The following NOB1 variants were observed in gnomAD, a reference collection of about 807,000 sequenced individuals.
NOB1 encodes the protein NIN1 (RPN12) binding protein 1 homolog.
Under a neutral mutation model 44.8 loss-of-function variants are expected in NOB1, and 44 were observed. The observed-to-expected ratio is 0.98, with a 90% confidence interval of 0.77 to 1.26. The LOEUF (loss-of-function observed/expected upper bound fraction) is 1.26. Among genes scored for constraint, NOB1 ranks in the 50% most tolerant of loss-of-function variants. NOB1 has a pLI of 0.00. For synonymous variants in NOB1, 238 were observed against 218.7 expected (o/e 1.09, Z -0.78); for missense variants, 560 against 544.8 (o/e 1.03, Z -0.28).
chr16:69,745,067 C>T (rs1246670655), intron 7 of NOB1, 50 bp from the exon 8 acceptor site: 9 of 1,603,884 alleles, frequency 5.6e-6, no homozygotes, highest in Non-Finnish European at 7.7e-6. Flanking sequence ...AGGCAGCAAA[C>T]GCCTCCCCAG....
At position 69,754,591 on chromosome 16, in the gene NOB1, C is replaced by G. The variant is rs759290854; in HGVS notation, c.196+3G>C. On this transcript the variant is annotated splice_donor_region_variant and intron_variant, in intron 2 of 8. Coordinates refer to ENST00000268802, the MANE Select transcript of NOB1 (RefSeq NM_014062.3). ...CCGTCAACGCTAGGGCAGAGGCACTCACCCAGCCGCACGTATTCCGGTAAG... is the reference window on the plus strand; with the variant it reads ...CCGTCAACGCTAGGGCAGAGGCACTGACCCAGCCGCACGTATTCCGGTAAG... 6.2e-6 allele frequency: 10 copies of G among 1,613,892 alleles called. No individual in the cohort carries two copies. Among genetic ancestry groups the G allele is most frequent in the Non-Finnish European group, 8.5e-6 (10 of 1,179,996 alleles).
chr16:69,754,003 C>T (rs1242152737), intron 2 of NOB1, among the ~76,000 whole-genome samples: 4 of 152,194 alleles, frequency 2.6e-5, no homozygotes, highest in African/African-American at 7.2e-5. Flanking sequence ...CAGGGTTTCA[C>T]CATGTTGGTC....
chr16:69,753,314 G>C (rs2038498269), intron 2 of NOB1, among the ~76,000 whole-genome samples: 1 of 152,202 alleles, frequency 6.6e-6, no homozygotes, highest in African/African-American at 2.4e-5. Context: ...GAAACAAAAA[G>C]CATGTGCTTA....
At chr16:69,751,507 G>GCA (rs2038482432) in intron 3 of NOB1, among the ~76,000 whole-genome samples, 1 of 150,698 alleles carries the variant, frequency 6.6e-6, no homozygotes, top group African/African-American at 2.4e-5. Context: ...GATGAAAGAG[G>GCA]GAAAAAAAAA....
intron 7 of NOB1, among the ~76,000 whole-genome samples, chr16:69,745,845 G>C (rs1303441488): frequency 6.6e-6 from 1 of 152,236 alleles, no homozygotes; most frequent in African/African-American, 2.4e-5. Flanking sequence ...CATAACAAGT[G>C]TTGGGACCTA....
chr16:69,754,373 G>A (rs2038506885), intron 2 of NOB1, among the ~76,000 whole-genome samples: 1 of 152,182 alleles, frequency 6.6e-6, no homozygotes, highest in Non-Finnish European at 1.5e-5. Flanking sequence ...TGCGGATGAG[G>A]TAAACGAGGC....
Position 69,742,555 on chromosome 16 carries a change from T to C in NOB1, c.1016A>G (p.His339Arg), listed in dbSNP as rs148297045. Residue 339 changes from histidine to arginine, a missense_variant, in exon 9 of 9, where the codon CAT (histidine) becomes CGT (arginine). By Grantham distance (29) the His-to-Arg change is conservative. Coordinates refer to ENST00000268802, the MANE Select transcript of NOB1 (RefSeq NM_014062.3). ...AGGGAAGCGCTGATCCTCGGTGAGA[T>C]GGGGGTTGATGGCGTATTTGCCCCC... ...PKGGKYAINP[H>R]LTEDQRFPQL... 1 of 1,614,002 alleles carries C rather than the reference T, an allele frequency of 6.2e-7. No homozygotes were observed. The highest frequency in any genetic ancestry group is 1.7e-5 in the Admixed American group (1 of 59,988).
At position 69,749,482 on chromosome 16, in the gene NOB1, C is replaced by G; in HGVS notation, c.399+77G>C. 4 of 1,543,348 alleles carry G rather than the reference C, an allele frequency of 2.6e-6. No individual in the cohort carries two copies. The South Asian group carries it at 4.5e-5, about 18-fold the overall frequency. On this transcript the variant is annotated intron_variant, in intron 4 of 8. Coordinates refer to ENST00000268802, the MANE Select transcript of NOB1 (RefSeq NM_014062.3). ...TATTGGTCCGCGTAAATTTAGTTCA[C>G]TGTGAAGAGATGACTTAGAGAGATG...
Position 69,752,350 on chromosome 16 carries a change from G to C in NOB1, c.218C>G (p.Thr73Arg), listed in dbSNP as rs888946950. The C allele has an allele frequency of 6.2e-7, 1 of 1,613,202 alleles. No individual in the cohort carries two copies. The highest frequency in any genetic ancestry group is 8.5e-7 in the Non-Finnish European group (1 of 1,179,234). The change falls in exon 3 of 9, where the codon ACA (threonine) becomes AGA (arginine). Residue 73 changes from threonine (T) to arginine (R), a missense_variant. Transcript: ENST00000268802. ...VRLVTEFSKKTGDYPSLSATD... is the reference protein window; with the variant it reads ...VRLVTEFSKKRGDYPSLSATD... ...GGCAGAGAGGCTGGGGTAGTCTCCT[G>C]TTTTCTTTGAAAACTCAGTCACTGT...
chr16:69,753,271 T>G (rs539584472), intron 2 of NOB1, among the ~76,000 whole-genome samples: 3 of 152,262 alleles, frequency 2.0e-5, no homozygotes, highest in African/African-American at 7.2e-5. Context: ...TCAGATTCAG[T>G]ATGCTCAACT....
intron 3 of NOB1, among the ~76,000 whole-genome samples, chr16:69,751,326 T>A (rs4502210): frequency 0.91 from 138,658 of 151,684 alleles, 63,621 homozygotes; most frequent in African/African-American, 0.96. Flanking sequence ...TTCTTTTTTT[T>A]AAAAAAATTA....
At chr16:69,743,270 G>A (rs939613455) in intron 8 of NOB1, among the ~76,000 whole-genome samples, 5 of 152,040 alleles carry the variant, frequency 3.3e-5, no homozygotes, top group African/African-American at 1.2e-4. Flanking sequence ...TATAATACCA[G>A]GTCATAAACA....
At chr16:69,744,539 G>C (rs571090745) in intron 8 of NOB1, among the ~76,000 whole-genome samples, 4 of 151,980 alleles carry the variant, frequency 2.6e-5, no homozygotes, top group Admixed American at 2.0e-4. Context: ...CCTCTCTTCC[G>C]TGCTGTGCTT....
chr16:69,743,340 A>C (rs2038400771), intron 8 of NOB1, among the ~76,000 whole-genome samples: 1 of 152,228 alleles, frequency 6.6e-6, no homozygotes. Context: ...TGTTTCAGGC[A>C]ACTTTAGGTA....
chr16:69,745,084 A>T, intron 7 of NOB1, 67 bp from the exon 8 acceptor site: 1 of 1,570,390 alleles, frequency 6.4e-7, no homozygotes, highest in African/African-American at 1.3e-5. Flanking sequence ...CCAGAGCACA[A>T]GGTGGGTCTC....
intron 3 of NOB1, 143 bp downstream of exon 3, chr16:69,752,098 T>C: frequency 1.4e-6 from 1 of 729,098 alleles, no homozygotes; most frequent in Non-Finnish European, 2.3e-6. Context: ...TGTGGATCAG[T>C]GTAGATGAAT....
chr16:69,749,413 A>T, intron 4 of NOB1, 75 bp from the exon 5 acceptor site: 1 of 1,567,344 alleles, frequency 6.4e-7, no homozygotes, highest in East Asian at 2.2e-5. Flanking sequence ...ATGAAATCAC[A>T]TATGATATAC....
chr16:69,742,933 A>C (rs1332907324), intron 8 of NOB1, among the ~76,000 whole-genome samples: 2 of 152,298 alleles, frequency 1.3e-5, no homozygotes, highest in East Asian at 3.9e-4. Context: ...AGACGCAATG[A>C]CACTGCAGGA....
At position 69,742,537 on chromosome 16, in the gene NOB1, C is replaced by T. The variant is rs202231111; in HGVS notation, c.1034G>A (p.Arg345His). 15 of 1,614,090 alleles carry T rather than the reference C, an allele frequency of 9.3e-6. No homozygotes were observed. Among genetic ancestry groups the T allele is most frequent in the South Asian group, 4.4e-5 (4 of 91,074 alleles). The change falls in exon 9 of 9, where the codon CGC (arginine) becomes CAC (histidine). Residue 345 changes from arginine (R) to histidine (H), a missense_variant. Transcript: ENST00000268802. ...AINPHLTEDQ[R>H]FPQLRLSQKA... ...TTGGGAGAGTCGCAGCTGAGGGAAGCGCTGATCCTCGGTGAGATGGGGGTT... is the reference window on the plus strand; with the variant it reads ...TTGGGAGAGTCGCAGCTGAGGGAAGTGCTGATCCTCGGTGAGATGGGGGTT...
Sources: gnomAD v4.1 joint callset for allele counts (sites outside exome capture counted in the v4.1 genomes callset) on GRCh38, gnomAD v4.1.1 for gene constraint, MANE v1.5 for transcripts, NCBI Gene and HGNC (gene_info 2026-07-23, HGNC 2026-07-21) for gene names.